CREB1: variants seen among roughly 807,000 people sequenced by gnomAD.
CREB1 encodes the protein cyclic AMP-responsive element-binding protein 1.
Under a neutral mutation model 42.0 loss-of-function variants are expected in CREB1, and 2 were observed. The observed-to-expected ratio is 0.05, with a 90% confidence interval of 0.02 to 0.15. The LOEUF is 0.15. Ranked by LOEUF, CREB1 falls within the 10% of genes least tolerant of loss-of-function variation. The pLI is 1.00. For missense variants in CREB1, 199 were observed against 388.9 expected (o/e 0.51, Z 4.11); for synonymous variants, 123 against 139.9 (o/e 0.88, Z 0.85).
intron 2 of CREB1, among the ~76,000 whole-genome samples, chr2:207,558,879 A>G (rs1430367024): frequency 6.6e-6 from 1 of 151,928 alleles, no homozygotes; most frequent in Non-Finnish European, 1.5e-5. Flanking sequence ...TAGACCTCAG[A>G]TGATCCACCC....
In CREB1 at chr2:207,604,669, C is replaced by A. The variant is rs1406898522; in HGVS notation, c.*7611C>A. Among the ~76,000 whole-genome samples, 1 of 152,012 alleles carries A rather than the reference C, an allele frequency of 6.6e-6. No individual in the cohort carries two copies. The highest frequency in any genetic ancestry group is 1.5e-5 in the Non-Finnish European group (1 of 68,018). On this transcript the variant is annotated 3_prime_UTR_variant, in exon 8 of 8. Transcript: ENST00000353267. ...GTGGTAGTACATCCACAATGGTGTACAACCACCACTTCTATCTAGCTCCAA... is the reference window on the plus strand; with the variant it reads ...GTGGTAGTACATCCACAATGGTGTAAAACCACCACTTCTATCTAGCTCCAA...
At chr2:207,568,303 A>C (rs2082217877) in intron 4 of CREB1, among the ~76,000 whole-genome samples, 2 of 152,082 alleles carry the variant, frequency 1.3e-5, no homozygotes, top group Non-Finnish European at 2.9e-5. Context: ...TTAAATTAAG[A>C]ATCCTAAGTG....
At chr2:207,540,251 C>A (rs1457379659) in intron 1 of CREB1, among the ~76,000 whole-genome samples, 2 of 152,146 alleles carry the variant, frequency 1.3e-5, no homozygotes, top group African/African-American at 4.8e-5. Flanking sequence ...TGAAGACATT[C>A]CAGTGGGACA....
intron 7 of CREB1, chr2:207,581,968 A>G: frequency 1.4e-6 from 1 of 702,192 alleles, no homozygotes. Flanking sequence ...TTGAGATAAT[A>G]GGTTTTGGGG....
At position 207,575,316 on chromosome 2, in the gene CREB1, A is replaced by T. The variant is rs1434455118; in HGVS notation, c.550A>T (p.Thr184Ser). The change falls in exon 6 of 8, where the codon ACC becomes TCC. Residue 184 changes from threonine to serine, a missense_variant. Around this residue, in one of 4 missense-constraint regions of CREB1, gnomAD observed 66 missense variants for 88.1 expected, o/e 0.75. Transcript: ENST00000353267. ...GGAIQLANNG[T>S]DGVQGLQTLT... is the part of the protein sequence containing the mutation. ...AGCAATACAGCTGGCTAACAATGGT[A>T]CCGATGGGGTACAGGGCCTGCAAAC... is the stretch of plus-strand genomic sequence containing the variant. 6.2e-7 allele frequency: 1 copy of T among 1,614,148 alleles called. No individual in the cohort carries two copies.
chr2:207,580,235 C>T (rs1256172431), intron 7 of CREB1, among the ~76,000 whole-genome samples: 1 of 152,138 alleles, frequency 6.6e-6, no homozygotes, highest in East Asian at 1.9e-4. Context: ...ATATCTGGCA[C>T]CAAAACCTGT....
At chr2:207,530,682 A>G (rs1244711733) in intron 1 of CREB1, among the ~76,000 whole-genome samples, 2 of 151,354 alleles carry the variant, frequency 1.3e-5, no homozygotes, top group Non-Finnish European at 3.0e-5. Context: ...AGAAGGCGAC[A>G]GTTGAGGGCA....
At chr2:207,535,418 TGTTTTTTTGG>T (rs2080827571) in intron 1 of CREB1, among the ~76,000 whole-genome samples, 2 of 152,130 alleles carry the variant, frequency 1.3e-5, no homozygotes, top group Non-Finnish European at 2.9e-5. Context: ...TATAGTCCGG[TGTTTTTTTGG>T]GTTTTTTTTA....
At position 207,575,372 on chromosome 2, in the gene CREB1, G is replaced by T; in HGVS notation, c.606G>T (p.Gln202His). The T allele has an allele frequency of 6.2e-7, 1 of 1,614,158 alleles. No individual in the cohort carries two copies. The change falls in exon 6 of 8, where the codon CAG (glutamine) becomes CAT (histidine). Residue 202 changes from glutamine (Q) to histidine (H), a missense_variant. Transcript: ENST00000353267. ...CCATGACCAATGCAGCAGCCACTCAGCCGGGTACTACCATTCTACAGTATG... is the reference window on the plus strand; with the variant it reads ...CCATGACCAATGCAGCAGCCACTCATCCGGGTACTACCATTCTACAGTATG... Reference protein sequence around the residue: ...TLTMTNAAATQPGTTILQYAQ... With the variant: ...TLTMTNAAATHPGTTILQYAQ...
At chr2:207,591,377 C>T (rs1218482227) in intron 7 of CREB1, among the ~76,000 whole-genome samples, 1 of 152,162 alleles carries the variant, frequency 6.6e-6, no homozygotes, top group East Asian at 1.9e-4. Context: ...AATATTCCTT[C>T]TTCAGAAGAA....
chr2:207,535,820 T>TTA (rs752027109), intron 1 of CREB1, among the ~76,000 whole-genome samples: 31 of 149,736 alleles, frequency 2.1e-4, no homozygotes, highest in South Asian at 1.1e-3. Context: ...ATTTATTTAT[T>TTA]TTTATTTATT....
chr2:207,580,230 T>G (rs1429302105), intron 7 of CREB1, among the ~76,000 whole-genome samples: 2 of 152,216 alleles, frequency 1.3e-5, no homozygotes, highest in African/African-American at 4.8e-5. Flanking sequence ...AACCCATATC[T>G]GGCACCAAAA....
intron 7 of CREB1, among the ~76,000 whole-genome samples, chr2:207,585,838 A>G (rs2083724213): frequency 6.6e-6 from 1 of 152,164 alleles, no homozygotes; most frequent in African/African-American, 2.4e-5. Context: ...CCAGTCAAAC[A>G]CACACTAAAA....
chr2:207,591,949 C>T (rs1335419131), intron 7 of CREB1, among the ~76,000 whole-genome samples: 1 of 152,068 alleles, frequency 6.6e-6, no homozygotes, highest in Non-Finnish European at 1.5e-5. Context: ...CAATTGTCTT[C>T]ATTTCCTTAT....
At chr2:207,577,716 ATG>A (rs779301841) in intron 7 of CREB1, 61 bp downstream of exon 7, 1 of 1,584,776 alleles carries the variant, frequency 6.3e-7, no homozygotes, top group South Asian at 1.1e-5. Context: ...ATTCTGCTGG[ATG>A]TGTATCTTTA....
chr2:207,545,441 AAG>A, intron 1 of CREB1, among the ~76,000 whole-genome samples: 1 of 152,124 alleles, frequency 6.6e-6, no homozygotes, highest in South Asian at 2.1e-4. Flanking sequence ...TTCTCACCTC[AAG>A]TGATCCACCC....
At chr2:207,592,042 A>C (rs1449905588) in intron 7 of CREB1, among the ~76,000 whole-genome samples, 1 of 152,216 alleles carries the variant, frequency 6.6e-6, no homozygotes, top group Non-Finnish European at 1.5e-5. Flanking sequence ...TCTGGCAATG[A>C]ATTCCCTCTA....
At chr2:207,577,425 G>A in intron 6 of CREB1, 80 bp from the exon 7 acceptor site, 1 of 1,537,062 alleles carries the variant, frequency 6.5e-7, no homozygotes, top group Non-Finnish European at 8.9e-7. Context: ...CAAAATACAT[G>A]CTTAGATTGA....
intron 6 of CREB1, chr2:207,577,269 A>G (rs2082632002): frequency 1.9e-6 from 2 of 1,076,126 alleles, no homozygotes; most frequent in Admixed American, 7.2e-5. Context: ...ATTCAAATGA[A>G]AAATAAAATG....
Sources: gnomAD v4.1 joint callset for allele counts (sites outside exome capture counted in the v4.1 genomes callset) on GRCh38, gnomAD v4.1.1 for gene constraint, gnomAD v4.1.1 regional missense constraint, MANE v1.5 for transcripts, NCBI Gene and HGNC (gene_info 2026-07-23, HGNC 2026-07-21) for gene names.